The following NCSTN variants were observed in gnomAD, a reference collection of about 807,000 sequenced individuals.
NCSTN encodes the protein nicastrin.
In NCSTN, 22 loss-of-function variants were observed where a neutral mutation model predicts 87.0. The observed-to-expected ratio is 0.25, with a 90% CI of 0.18 to 0.36. NCSTN has a LOEUF of 0.36. Among genes scored for constraint, NCSTN ranks in the 10% least tolerant of loss-of-function variants. The pLI, the probability that NCSTN is intolerant of heterozygous loss-of-function variation, is 1.00. For synonymous variants in NCSTN, 306 were observed against 327.1 expected (o/e 0.94, Z 0.69); for missense variants, 693 against 883.3 (o/e 0.78, Z 2.73).
chr1:160,358,356 T>C lies in NCSTN; in HGVS notation c.*85T>C. ...TGGGACACAACCACTAATTTGTCAC[T>C]GGAACCTCCCTGGGCCTGTCTCAGA... On this transcript the variant is annotated 3_prime_UTR_variant, in exon 17 of 17. Coordinates refer to ENST00000294785, the MANE Select transcript of NCSTN (RefSeq NM_015331.3). 6.4e-7 allele frequency: 1 copy of C among 1,566,092 alleles called. No individual in the cohort carries two copies. Among genetic ancestry groups the C allele is most frequent in the East Asian group, 2.2e-5 (1 of 44,630 alleles).
At chr1:160,352,280 G>C in intron 8 of NCSTN, 74 bp downstream of exon 8, 1 of 1,587,666 alleles carries the variant, frequency 6.3e-7, no homozygotes, top group Admixed American at 1.7e-5. Context: ...CTACTGGTTG[G>C]AGAAGACCTC....
At chr1:160,353,041 T>A in intron 9 of NCSTN, 50 bp downstream of exon 9, 1 of 1,588,896 alleles carries the variant, frequency 6.3e-7, no homozygotes, top group Non-Finnish European at 8.6e-7. Flanking sequence ...ATCTTCCTCC[T>A]TTGTTGTTCT....
intron 2 of NCSTN, among the ~76,000 whole-genome samples, chr1:160,346,788 G>C (rs760889502): frequency 2.8e-4 from 43 of 152,102 alleles, no homozygotes; most frequent in Non-Finnish European, 5.0e-4. Context: ...TGTATCTTTA[G>C]TAGAGGCGGG....
At position 160,355,926 on chromosome 1, in the gene NCSTN, T is replaced by G. The variant is rs551911214; in HGVS notation, c.1519T>G (p.Phe507Val). ...GTATGAGCTTGCAGGAGGAACCAACTTCAGCGACACAGTTCAGGCTGATCC... is the reference window on the plus strand; with the variant it reads ...GTATGAGCTTGCAGGAGGAACCAACGTCAGCGACACAGTTCAGGCTGATCC... ...ALYELAGGTN[F>V]SDTVQADPQT... is the part of the protein sequence containing the mutation. The change falls in exon 13 of 17, where the codon TTC (phenylalanine) becomes GTC (valine). Residue 507 changes from phenylalanine to valine, a missense_variant. By Grantham distance (50) the Phe-to-Val change is conservative. Coordinates refer to ENST00000294785, the MANE Select transcript of NCSTN (RefSeq NM_015331.3). The G allele has an allele frequency of 1.2e-6, 2 of 1,614,192 alleles. No individual in the cohort carries two copies. Among genetic ancestry groups the G allele is most frequent in the African/African-American group, 2.7e-5 (2 of 75,058 alleles).
In NCSTN at chr1:160,352,093, G is replaced by T. The variant is rs750728892; in HGVS notation, c.883G>T (p.Ala295Ser). Residue 295 changes from alanine to serine, a missense_variant, in exon 8 of 17, where the codon GCT (alanine) becomes TCT (serine). By Grantham distance (99) the Ala-to-Ser change is moderately conservative. Coordinates refer to ENST00000294785, the MANE Select transcript of NCSTN (RefSeq NM_015331.3). ...CTTTTTCTGGAATGTGGCCCCAGGG[G>T]CTGAAAGCGCAGTGGCTTCCTTTGT... ...RSFFWNVAPGAESAVASFVTQ... is the reference protein window; with the variant it reads ...RSFFWNVAPGSESAVASFVTQ... 4 of 1,614,234 alleles carry T rather than the reference G, an allele frequency of 2.5e-6. No homozygotes were observed. Among genetic ancestry groups the T allele is most frequent in the Admixed American group, 3.3e-5 (2 of 60,026 alleles).
intron 1 of NCSTN, chr1:160,343,835 A>G (rs1364242846): frequency 1.9e-6 from 1 of 535,896 alleles, no homozygotes; most frequent in East Asian, 5.0e-5. Flanking sequence ...TCGCGTTTAG[A>G]CTTTTTGAGA....
At chr1:160,352,232 A>G (rs760254510) in intron 8 of NCSTN, 26 bp downstream of exon 8, 5 of 1,613,708 alleles carry the variant, frequency 3.1e-6, no homozygotes, top group South Asian at 1.1e-5. Flanking sequence ...CTGGGGTGCA[A>G]TGGCAGGGAA....
intron 5 of NCSTN, among the ~76,000 whole-genome samples, chr1:160,350,709 C>T (rs1470618147): frequency 1.4e-5 from 2 of 145,964 alleles, no homozygotes; most frequent in Non-Finnish European, 1.5e-5. Flanking sequence ...CCACTAGTAT[C>T]GTTAAAAAAA....
chr1:160,357,338 C>G, intron 16 of NCSTN, 85 bp downstream of exon 16: 1 of 1,332,456 alleles, frequency 7.5e-7, no homozygotes, highest in Admixed American at 2.0e-5. Context: ...TTTCCATCTC[C>G]CATTTGCCCC....
At chr1:160,346,128 G>A (rs770626139) in intron 2 of NCSTN, among the ~76,000 whole-genome samples, 79 of 152,034 alleles carry the variant, frequency 5.2e-4, no homozygotes, top group Admixed American at 9.8e-4. Flanking sequence ...AAATCATAGG[G>A]CAGGAAAAGT....
Position 160,358,485 on chromosome 1 carries a change from T to A in NCSTN, c.*214T>A. ...CCTTTCCCATCACCCCTTCCCCATT[T>A]CCTCTTCCTTCTCTACTCATGCCAG... On this transcript the variant is annotated 3_prime_UTR_variant, in exon 17 of 17. Coordinates refer to ENST00000294785, the MANE Select transcript of NCSTN (RefSeq NM_015331.3). 1 of 630,530 alleles carries A rather than the reference T, an allele frequency of 1.6e-6. No homozygotes were observed. Among genetic ancestry groups the A allele is most frequent in the South Asian group, 1.8e-5 (1 of 54,492 alleles). The allele number at this position is 630,530 out of a possible 1,614,324, so 39.1% of individuals were successfully genotyped here.
rs1434926592 is a variant in NCSTN at position 160,349,183 on chromosome 1, C to T, written c.314+61C>T. On this transcript the variant is annotated intron_variant, in intron 3 of 16. Transcript: ENST00000294785. ...TAGAGGGAAAGTTTCAGTGAACAGT[C>T]CTCACACTTATTAGTGAAAACTTCC... 3.7e-6 allele frequency: 6 copies of T among 1,605,156 alleles called. No homozygotes were observed. In the African/African-American group the frequency reaches 5.4e-5, roughly 14 times the overall value.
intron 5 of NCSTN, among the ~76,000 whole-genome samples, chr1:160,350,607 T>C (rs1648784249): frequency 6.6e-6 from 1 of 152,146 alleles, no homozygotes; most frequent in Admixed American, 6.5e-5. Context: ...TCCTACCTGA[T>C]ATTACAGCAT....
chr1:160,351,326 C>A lies in NCSTN; in HGVS notation c.687C>A (p.Thr229=). 1 of 1,614,210 alleles carries A rather than the reference C, an allele frequency of 6.2e-7. No individual in the cohort carries two copies. The highest frequency in any genetic ancestry group is 8.5e-7 in the Non-Finnish European group (1 of 1,180,032). ...TGCATGCTGTCATCAGCACTGCCAC[C>A]TGCATGCGGCGCAGCTCCATCCAAA... ...SHMHAVISTA[T]CMRRSSIQST... The change falls in exon 6 of 17, where the codon ACC becomes ACA. Residue 229 remains threonine, a synonymous_variant. Transcript: ENST00000294785.
Position 160,344,716 on chromosome 1 carries a change from G to A in NCSTN, c.86-6G>A, listed in dbSNP as rs200645900. The A allele has an allele frequency of 6.8e-6, 11 of 1,613,232 alleles. No individual in the cohort carries two copies. In the South Asian group the frequency reaches 9.9e-5, roughly 14 times the overall value. ...ATTTTTCTAACACTTTTTATCTTCC[G>A]ATCAGGTTTGTGCAGGGGAAACTCA... On this transcript the variant is annotated splice_polypyrimidine_tract_variant and splice_region_variant and intron_variant, in intron 1 of 16. Transcript: ENST00000294785.
intron 10 of NCSTN, 113 bp downstream of exon 10, chr1:160,353,350 A>T: frequency 6.3e-7 from 1 of 1,575,384 alleles, no homozygotes; most frequent in Non-Finnish European, 8.6e-7. Flanking sequence ...AAGAGACAGG[A>T]TTGGATTGGG....
intron 2 of NCSTN, among the ~76,000 whole-genome samples, chr1:160,347,436 G>A (rs140844163): frequency 3.3e-5 from 5 of 151,898 alleles, no homozygotes; most frequent in East Asian, 1.9e-4. Flanking sequence ...TCCTTCTTTC[G>A]TCTGTCCCCA....
chr1:160,354,146 A>C lies in NCSTN; in HGVS notation c.1208A>C (p.Lys403Thr), dbSNP rs200966051. ...QVEDLLATLE[K>T]SGAGVPAVIL... ...GAGGATCTCCTGGCCACATTGGAGA[A>C]GAGTGGTGCTGGTGTCCCTGCTGTC... The change falls in exon 11 of 17, where the codon AAG (lysine) becomes ACG (threonine). Residue 403 changes from lysine to threonine, a missense_variant. Coordinates refer to ENST00000294785, the MANE Select transcript of NCSTN (RefSeq NM_015331.3). The C allele has an allele frequency of 1.4e-5, 23 of 1,614,026 alleles. No individual in the cohort carries two copies. Among genetic ancestry groups the C allele is most frequent in the Non-Finnish European group, 1.9e-5 (22 of 1,180,012 alleles).
At position 160,356,072 on chromosome 1, in the gene NCSTN, G is replaced by A. The variant is rs1029230280; in HGVS notation, c.1551+114G>A. ...TCCACATGACTGTTGATGCCGGTGA[G>A]AATGCCTCATGCCCCAGAGAGCTCT... On this transcript the variant is annotated intron_variant, in intron 13 of 16. Transcript: ENST00000294785. 55 of 1,137,550 alleles carry A rather than the reference G, an allele frequency of 4.8e-5. No homozygotes were observed. The African/African-American group carries it at 7.8e-4, about 16-fold the overall frequency. 70.5% of individuals were successfully genotyped at this position (1,137,550 alleles called of 1,614,324 possible). A position where few individuals can be genotyped will look rare whatever the true frequency, so the allele number is the denominator to read the frequency against.
Sources: allele counts gnomAD v4.1 joint callset (sites outside exome capture counted in the v4.1 genomes callset), GRCh38; gene constraint gnomAD v4.1.1; transcripts MANE v1.5; gene names NCBI Gene and HGNC (gene_info 2026-07-23, HGNC 2026-07-21).